Variants in GAK observed in about 807,000 individuals in gnomAD.
GAK encodes cyclin-G-associated kinase.
In GAK, 79 loss-of-function variants were observed where a neutral mutation model predicts 143.9. The observed-to-expected ratio is 0.55, with a 90% CI of 0.46 to 0.66. The LOEUF (loss-of-function observed/expected upper bound fraction) is 0.66, where lower values mean the gene tolerates loss of function less well. Among genes scored for constraint, GAK ranks in the 30% least tolerant of loss-of-function variants. The pLI is 0.00. For missense variants in GAK, 1,693 were observed against 1,779.7 expected, an observed-to-expected ratio of 0.95 and a Z score of 0.88; for synonymous variants, 881 against 765.5, an observed-to-expected ratio of 1.15 and a Z score of -2.49.
intron 5 of GAK, among the ~76,000 whole-genome samples, chr4:904,122 C>T (rs1343836084): frequency 1.3e-5 from 2 of 152,186 alleles, no homozygotes; most frequent in Non-Finnish European, 2.9e-5. Context: ...GTGGAGGGAG[C>T]CACTACCTTG....
rs553982044 is a variant in GAK, at chr4:884,163, C to T, written c.1206-77G>A. On this transcript the variant is annotated intron_variant, in intron 11 of 27. Coordinates refer to ENST00000314167, the MANE Select transcript of GAK (RefSeq NM_005255.4). ...AGGTCACAGGGCTTAAGCCAGAGCC[C>T]GAGGCCTGGAGAAGCCGTGGGGCTC... 1.7e-4 allele frequency: 232 copies of T among 1,344,670 alleles called. 1 individual carries two copies. The highest frequency in any genetic ancestry group is 3.7e-4 in the Admixed American group (21 of 57,026). 83.3% of individuals were successfully genotyped at this position (1,344,670 alleles called of 1,614,324 possible).
In GAK at chr4:898,021, C is replaced by A. The variant is rs753179292; in HGVS notation, c.651+12G>T. ...GGCCAGCTTCCCCCAGCATAGGCCC[C>A]ACTCAGCTCACCTCTTCCTCCACCA... On this transcript the variant is annotated intron_variant, in intron 6 of 27. Transcript: ENST00000314167. 1 of 1,609,454 alleles carries A rather than the reference C, an allele frequency of 6.2e-7. No homozygotes were observed. The highest frequency in any genetic ancestry group is 2.0e-4 in the Middle Eastern group (1 of 5,106).
chr4:906,929 A>T (rs1441980526), intron 4 of GAK, among the ~76,000 whole-genome samples: 1 of 151,686 alleles, frequency 6.6e-6, no homozygotes, highest in Admixed American at 6.6e-5. Context: ...CCTTCTGCTC[A>T]CCTCCCAAGG....
intron 24 of GAK, among the ~76,000 whole-genome samples, chr4:854,416 T>C (rs1052612079): frequency 6.6e-6 from 1 of 152,226 alleles, no homozygotes; most frequent in African/African-American, 2.4e-5. Flanking sequence ...GGTCCACCTG[T>C]CCTCTTATGG....
chr4:898,841 T>G (rs1416842910), intron 5 of GAK, among the ~76,000 whole-genome samples: 1 of 150,024 alleles, frequency 6.7e-6, no homozygotes, highest in African/African-American at 2.5e-5. Flanking sequence ...CCAGCCTGGG[T>G]GACAGGGCAA....
intron 7 of GAK, 100 bp downstream of exon 7, chr4:896,360 G>T: frequency 1.2e-6 from 1 of 850,116 alleles, no homozygotes; most frequent in South Asian, 1.4e-5. Context: ...GGGTGGAGGA[G>T]GCAGGCCAGT....
rs200102404 is a variant in GAK, at chr4:870,701, G to A, written c.2248+10C>T. Reference sequence around the variant, plus strand: ...AACAGGGTTCACCTAATTCACCTGCGGGATCTTACCAAACTTAGACAGAAT... The same window carrying A: ...AACAGGGTTCACCTAATTCACCTGCAGGATCTTACCAAACTTAGACAGAAT... On this transcript the variant is annotated intron_variant, in intron 19 of 27. Transcript: ENST00000314167. The A allele has an allele frequency of 3.7e-4, 600 of 1,612,822 alleles. 4 individuals are homozygous for A. Among genetic ancestry groups the A allele is most frequent in the Middle Eastern group, 1.7e-3 (10 of 5,924 alleles).
intron 4 of GAK, among the ~76,000 whole-genome samples, chr4:907,674 G>C (rs1324280079): frequency 1.3e-5 from 2 of 152,218 alleles, no homozygotes; most frequent in Non-Finnish European, 2.9e-5. Context: ...GGAGGGACCG[G>C]GCACATCCCC....
chr4:912,673 T>C lies in GAK; in HGVS notation c.267+62A>G, dbSNP rs563885967. 13 of 1,354,078 alleles carry C rather than the reference T, an allele frequency of 9.6e-6. No homozygotes were observed. The South Asian group carries it at 1.3e-4, about 14-fold the overall frequency. The allele number at this position is 1,354,078 out of a possible 1,614,324, so 83.9% of individuals were successfully genotyped here. ...CCTCTTGGCCACTGGCGGTCACAGC[T>C]TGACGCAGGCCTGTGCCTGCCAAAG... On this transcript the variant is annotated intron_variant, in intron 3 of 27. Coordinates refer to ENST00000314167, the MANE Select transcript of GAK (RefSeq NM_005255.4).
intron 15 of GAK, among the ~76,000 whole-genome samples, chr4:880,561 C>T (rs1285198377): frequency 6.6e-6 from 1 of 152,168 alleles, no homozygotes; most frequent in African/African-American, 2.4e-5. Context: ...GGCAAGGACC[C>T]TTCCAGTCCT....
rs1723220487 is a variant in GAK at position 917,285 on chromosome 4, C to A, written c.146-3617G>T. ...ACATACAGTTAGTGTACAGAAAACT[C>A]TAGAAAATGCAAATGAATCTATAGT... is the stretch of plus-strand genomic sequence containing the variant. On this transcript the variant is annotated intron_variant, in intron 1 of 27. Coordinates refer to ENST00000314167, the MANE Select transcript of GAK (RefSeq NM_005255.4). 2.0e-5 allele frequency among the ~76,000 whole-genome samples: 3 copies of A among 148,490 alleles called. No homozygotes were observed. In the South Asian group the frequency reaches 6.4e-4, roughly 32 times the overall value.
chr4:876,296 C>T (rs752146823), intron 18 of GAK, among the ~76,000 whole-genome samples: 12 of 152,230 alleles, frequency 7.9e-5, no homozygotes, highest in Non-Finnish European at 1.6e-4. Flanking sequence ...GGTGTGAGGG[C>T]TAAATTCTAA....
rs1724909262 is a variant in GAK at position 927,019 on chromosome 4, TGCC to T, written c.145+5021_145+5023del. ...CTCCCGGCTCACCAGCGCTCCGCAC[TGCC>T]CCGCACCCCTCCCCGCTCACCTGCG... is the stretch of plus-strand genomic sequence containing the variant. On this transcript the variant is annotated intron_variant, in intron 1 of 27. Coordinates refer to ENST00000314167, the MANE Select transcript of GAK (RefSeq NM_005255.4). 6.4e-5 allele frequency among the ~76,000 whole-genome samples: 2 copies of T among 31,472 alleles called. 1 individual carries two copies. The highest frequency in any genetic ancestry group is 2.9e-4 in the African/African-American group (2 of 6,818). The allele number at this position is 31,472 out of a possible 152,430, so 20.6% of individuals were successfully genotyped here.
chr4:898,306 C>T (rs1159114545), intron 5 of GAK, 148 bp from the exon 6 acceptor site: 2 of 808,844 alleles, frequency 2.5e-6, no homozygotes, highest in East Asian at 2.8e-5. Context: ...CAGCACCTCA[C>T]ACCTGCGGAC....
intron 11 of GAK, chr4:886,095 CTG>C (rs1716273154): frequency 6.6e-6 from 1 of 152,294 alleles, no homozygotes; most frequent in Non-Finnish European, 1.5e-5. Context: ...CCAGAACTCA[CTG>C]TTGCTTCTAA....
intron 1 of GAK, chr4:915,432 G>T: frequency 6.5e-6 from 1 of 153,732 alleles, no homozygotes; most frequent in Non-Finnish European, 1.5e-5. Context: ...CCAATACCCA[G>T]AACAAGAGAG....
At chr4:854,098 G>A (rs980199064) in intron 24 of GAK, among the ~76,000 whole-genome samples, 4 of 151,230 alleles carry the variant, frequency 2.6e-5, no homozygotes, top group Admixed American at 2.0e-4. Flanking sequence ...ATGCCCGGCC[G>A]TCTCTCGCCC....
At chr4:881,204 G>A (rs1715033342) in intron 15 of GAK, among the ~76,000 whole-genome samples, 1 of 152,208 alleles carries the variant, frequency 6.6e-6, no homozygotes. Flanking sequence ...CTCCCGCCAC[G>A]GTGGGGCCAC....
At position 875,430 on chromosome 4, in the gene GAK, C is replaced by T. The variant is rs1056825849; in HGVS notation, c.2054+1100G>A. On this transcript the variant is annotated intron_variant, in intron 18 of 27. Transcript: ENST00000314167. ...GGCCGTCCCTGACAGCAGCAGGCGCCAGCTCTTCCTGAGCTCACCCAGGCC... is the reference window on the plus strand; with the variant it reads ...GGCCGTCCCTGACAGCAGCAGGCGCTAGCTCTTCCTGAGCTCACCCAGGCC... Among the ~76,000 whole-genome samples, 3 of 152,254 alleles carry T rather than the reference C, an allele frequency of 2.0e-5. No individual in the cohort carries two copies. The South Asian group carries it at 6.2e-4, about 32-fold the overall frequency.
Sources: allele counts gnomAD v4.1 joint callset (sites outside exome capture counted in the v4.1 genomes callset), GRCh38; gene constraint gnomAD v4.1.1; transcripts MANE v1.5; gene names NCBI Gene and HGNC (gene_info 2026-07-23, HGNC 2026-07-21).